The following OR9Q1 variants were observed in gnomAD, a reference collection of about 807,000 sequenced individuals.
The protein encoded by OR9Q1 is olfactory receptor family 9 subfamily Q member 1.
For missense variants in OR9Q1, 374 were observed against 378.8 expected (o/e 0.99, Z 0.11); for synonymous variants, 153 against 148.6 (o/e 1.03, Z -0.22).
At chr11:58,148,890 C>A (rs1854324240) in intron 2 of OR9Q1, among the ~76,000 whole-genome samples, 1 of 152,154 alleles carries the variant, frequency 6.6e-6, no homozygotes, top group Non-Finnish European at 1.5e-5. Flanking sequence ...GATCAAGATG[C>A]TTCATGGACA....
intron 1 of OR9Q1, among the ~76,000 whole-genome samples, chr11:58,036,638 T>G (rs570535174): frequency 6.6e-6 from 1 of 152,348 alleles, no homozygotes; most frequent in African/African-American, 2.4e-5. Flanking sequence ...ATCAGGAGTT[T>G]GGAATAAGTT....
intron 2 of OR9Q1, among the ~76,000 whole-genome samples, chr11:58,138,674 A>G (rs923413449): frequency 6.6e-6 from 1 of 152,224 alleles, no homozygotes. Flanking sequence ...AAACTTGTAT[A>G]TATTTATGCA....
chr11:58,129,879 T>G (rs1166281559), intron 2 of OR9Q1, among the ~76,000 whole-genome samples: 1 of 152,198 alleles, frequency 6.6e-6, no homozygotes, highest in African/African-American at 2.4e-5. Flanking sequence ...AATTATTTTT[T>G]GCTTATTTTT....
At chr11:58,038,715 T>C (rs1853131355) in intron 1 of OR9Q1, among the ~76,000 whole-genome samples, 1 of 152,236 alleles carries the variant, frequency 6.6e-6, no homozygotes, top group African/African-American at 2.4e-5. Flanking sequence ...ATCACCATTG[T>C]CAAAAGCTCT....
chr11:58,074,074 A>G (rs1853515854), intron 2 of OR9Q1, among the ~76,000 whole-genome samples: 1 of 152,060 alleles, frequency 6.6e-6, no homozygotes, highest in Non-Finnish European at 1.5e-5. Context: ...TGGGTTTGCT[A>G]TTGTAAATTG....
At chr11:58,115,338 A>G (rs547103550) in intron 2 of OR9Q1, among the ~76,000 whole-genome samples, 1 of 152,300 alleles carries the variant, frequency 6.6e-6, no homozygotes, top group Admixed American at 6.5e-5. Context: ...AAGCAAATAA[A>G]GCAATTCCTA....
At chr11:58,121,456 A>G (rs1362004264) in intron 2 of OR9Q1, among the ~76,000 whole-genome samples, 3 of 152,168 alleles carry the variant, frequency 2.0e-5, no homozygotes, top group African/African-American at 7.2e-5. Context: ...ATCCTACTGG[A>G]CAGGTGACAT....
chr11:58,031,384 C>T, intron 1 of OR9Q1: 1 of 1,614,212 alleles, frequency 6.2e-7, no homozygotes, highest in Non-Finnish European at 8.5e-7. Context: ...CCTGGGGCAC[C>T]TGCATCCGTC....
intron 1 of OR9Q1, among the ~76,000 whole-genome samples, chr11:58,038,120 A>G (rs1041859364): frequency 6.6e-6 from 1 of 152,020 alleles, no homozygotes; most frequent in Non-Finnish European, 1.5e-5. Context: ...ATTAACGTGA[A>G]TATTGCTTTA....
chr11:58,179,282 C>T, intron 2 of OR9Q1, 149 bp from the exon 3 acceptor site: 1 of 527,748 alleles, frequency 1.9e-6, no homozygotes. Flanking sequence ...TGCCTCGCTT[C>T]CAAAGTGCTG....
chr11:58,180,076 T>G lies in OR9Q1; in HGVS notation c.632T>G (p.Met211Arg). 1.2e-6 allele frequency: 2 copies of G among 1,614,202 alleles called. No individual in the cohort carries two copies. The highest frequency in any genetic ancestry group is 1.7e-6 in the Non-Finnish European group (2 of 1,180,034). ...MFAIFVIPAS[M>R]VVILVSYLFI... is the part of the protein sequence containing the mutation. The stretch of plus-strand genomic sequence containing the variant: ...GCCATTTTTGTCATCCCTGCTTCCA[T>G]GGTGGTGATCTTGGTGTCCTACCTG... The change falls in exon 3 of 3, where the codon ATG (methionine) becomes AGG (arginine). Residue 211 changes from methionine (M) to arginine (R), a missense_variant. By Grantham distance (91) the Met-to-Arg change is moderately conservative. Transcript: ENST00000335397.
intron 1 of OR9Q1, chr11:58,030,815 G>A (rs1340170748): frequency 4.6e-6 from 3 of 650,488 alleles, no homozygotes; most frequent in Non-Finnish European, 8.3e-6. Context: ...TTCTTTGAGG[G>A]TAAGAACAGT....
At position 58,118,862 on chromosome 11, in the gene OR9Q1, T is replaced by C. The variant is rs1853990342; in HGVS notation, c.-14-60569T>C. On this transcript the variant is annotated intron_variant, in intron 2 of 2. Coordinates refer to ENST00000335397, the MANE Select transcript of OR9Q1 (RefSeq NM_001005212.4). ...CCAAAGAAGATGATGACAATCTCGA[T>C]GTTTGCTGTGTCACTGCAGGCAAGC... is the stretch of plus-strand genomic sequence containing the variant. The C allele has an allele frequency of 2.5e-6, 4 of 1,614,012 alleles. No homozygotes were observed. The South Asian group carries it at 3.3e-5, about 13-fold the overall frequency.
intron 2 of OR9Q1, among the ~76,000 whole-genome samples, chr11:58,096,170 G>A (rs1853729446): frequency 7.6e-6 from 1 of 132,138 alleles, no homozygotes; most frequent in African/African-American, 2.8e-5. Context: ...TTTTTCAGGA[G>A]AACCAACTAC....
intron 2 of OR9Q1, among the ~76,000 whole-genome samples, chr11:58,162,868 G>T (rs1241866683): frequency 6.6e-6 from 1 of 152,146 alleles, no homozygotes; most frequent in Non-Finnish European, 1.5e-5. Context: ...CTCTTCTGAG[G>T]ACAAAATGGA....
chr11:58,059,389 A>G (rs1853357764), intron 2 of OR9Q1, among the ~76,000 whole-genome samples: 1 of 152,150 alleles, frequency 6.6e-6, no homozygotes, highest in Admixed American at 6.6e-5. Flanking sequence ...AATTGGAAAA[A>G]ATGATCAAAT....
At position 58,149,235 on chromosome 11, in the gene OR9Q1, A is replaced by G. The variant is rs553876281; in HGVS notation, c.-14-30196A>G. ...AGCCTGTTGACATCTGTTGTTTTAT[A>G]TATAGACAGAGCCTAAAATATTTCA... On this transcript the variant is annotated intron_variant, in intron 2 of 2. Transcript: ENST00000335397. Among the ~76,000 whole-genome samples, 4 of 152,294 alleles carry G rather than the reference A, an allele frequency of 2.6e-5. No homozygotes were observed. The South Asian group carries it at 6.2e-4, about 24-fold the overall frequency.
At chr11:58,125,299 A>G (rs1291300465) in intron 2 of OR9Q1, 2 of 135,200 alleles carry the variant, frequency 1.5e-5, no homozygotes, top group African/African-American at 5.5e-5. Flanking sequence ...AAGAGCTGAA[A>G]TCCCAGTCTG....
intron 2 of OR9Q1, among the ~76,000 whole-genome samples, chr11:58,083,207 C>A (rs1340678581): frequency 6.6e-6 from 1 of 151,960 alleles, no homozygotes; most frequent in Non-Finnish European, 1.5e-5. Flanking sequence ...GGAAGGGATC[C>A]AGTTTCAGTT....
Sources: allele counts gnomAD v4.1 joint callset (sites outside exome capture counted in the v4.1 genomes callset), GRCh38; gene constraint gnomAD v4.1.1; transcripts MANE v1.5; gene names NCBI Gene and HGNC (gene_info 2026-07-23, HGNC 2026-07-21).